RNF212B: variants seen among roughly 807,000 people sequenced by gnomAD.
RNF212B encodes the protein ring finger protein 212B.
In RNF212B, 52 loss-of-function variants were observed where a neutral mutation model predicts 55.5. The observed-to-expected ratio is 0.94, with a 90% CI of 0.75 to 1.18. The LOEUF (loss-of-function observed/expected upper bound fraction) is 1.18. RNF212B is among the 50% of genes most tolerant of loss of function. RNF212B has a pLI of 0.00. For synonymous variants in RNF212B, 99 were observed against 121.4 expected, an observed-to-expected ratio of 0.82 and a Z score of 1.21; for missense variants, 289 against 350.4, an observed-to-expected ratio of 0.82 and a Z score of 1.40.
intron 2 of RNF212B, among the ~76,000 whole-genome samples, chr14:23,206,166 C>CAG: frequency 6.6e-6 from 1 of 152,160 alleles, no homozygotes; most frequent in Admixed American, 6.6e-5. Context: ...CCTCTGCCTC[C>CAG]TGGGTTCAAG....
chr14:23,187,990 TGAG>T (rs1470887063), intron 1 of RNF212B: 2 of 152,296 alleles, frequency 1.3e-5, no homozygotes, highest in East Asian at 3.9e-4. Flanking sequence ...GAAGATGAAA[TGAG>T]GAGACTCGGT....
intron 3 of RNF212B, 120 bp from the exon 4 acceptor site, chr14:23,244,201 AC>A: frequency 1.8e-6 from 1 of 546,448 alleles, no homozygotes; most frequent in South Asian, 2.7e-5. Context: ...TCTCCCTTTT[AC>A]ACACAGTGGA....
intron 11 of RNF212B, among the ~76,000 whole-genome samples, chr14:23,267,946 T>C (rs1014050390): frequency 2.0e-5 from 3 of 152,264 alleles, no homozygotes; most frequent in African/African-American, 4.8e-5. Context: ...TTACATTTAA[T>C]GTAATTACAG....
chr14:23,229,518 G>A (rs1158221872), intron 2 of RNF212B, among the ~76,000 whole-genome samples: 1 of 151,814 alleles, frequency 6.6e-6, no homozygotes, highest in Non-Finnish European at 1.5e-5. Flanking sequence ...CAATGTACAA[G>A]GGTTCTGATT....
At chr14:23,194,162 A>G (rs1010876393) in intron 2 of RNF212B, among the ~76,000 whole-genome samples, 7 of 152,212 alleles carry the variant, frequency 4.6e-5, no homozygotes, top group Non-Finnish European at 1.0e-4. Flanking sequence ...TCACTTAAAA[A>G]TTAAAAACAA....
chr14:23,264,727 G>A (rs942474052), intron 11 of RNF212B, 56 bp downstream of exon 11: 3 of 1,130,118 alleles, frequency 2.7e-6, no homozygotes, highest in Non-Finnish European at 3.4e-6. Context: ...GAAGATCTGC[G>A]GATTTCTGGT....
At chr14:23,222,021 T>C (rs178753) in intron 2 of RNF212B, among the ~76,000 whole-genome samples, 58,849 of 151,888 alleles carry the variant, frequency 0.39, 11,588 homozygotes, top group African/African-American at 0.44. Context: ...GCTATAAGTG[T>C]CTACATCAAA....
intron 1 of RNF212B, among the ~76,000 whole-genome samples, chr14:23,188,926 A>T (rs1877858494): frequency 6.6e-6 from 1 of 152,256 alleles, no homozygotes; most frequent in African/African-American, 2.4e-5. Flanking sequence ...ACATTAATGC[A>T]TAATAAATAA....
upstream of RNF212B, among the ~76,000 whole-genome samples, chr14:23,237,845 C>A (rs1367062842): frequency 1.3e-5 from 2 of 151,836 alleles, no homozygotes; most frequent in African/African-American, 4.8e-5. Context: ...GCCCCGCCCA[C>A]GCCCCGCGCA....
intron 2 of RNF212B, among the ~76,000 whole-genome samples, chr14:23,226,314 A>T (rs1296045283): frequency 2.9e-4 from 42 of 143,036 alleles, no homozygotes; most frequent in African/African-American, 1.1e-3. Context: ...AAAAAAAAAA[A>T]AATTAAATAA....
At chr14:23,211,052 T>C (rs545520427) in intron 2 of RNF212B, among the ~76,000 whole-genome samples, 6 of 151,858 alleles carry the variant, frequency 4.0e-5, no homozygotes, top group African/African-American at 1.2e-4. Context: ...ACCCCGTCTC[T>C]ACTGAAAATA....
chr14:23,240,218 C>G (rs1883468237), intron 1 of RNF212B, 127 bp from the exon 2 acceptor site: 1 of 623,280 alleles, frequency 1.6e-6, no homozygotes, highest in Non-Finnish European at 2.8e-6. Context: ...ATTGGAATAC[C>G]CACAATGATA....
At chr14:23,185,579 C>G (rs1385548150) in intron 1 of RNF212B, 1 of 152,168 alleles carries the variant, frequency 6.6e-6, no homozygotes, top group Non-Finnish European at 1.5e-5. Flanking sequence ...AATTTGAGGT[C>G]TCTTGCTAAA....
intron 2 of RNF212B, among the ~76,000 whole-genome samples, chr14:23,211,204 T>G (rs1446078186): frequency 1.4e-5 from 2 of 139,976 alleles, no homozygotes; most frequent in African/African-American, 2.7e-5. Context: ...GGCAACAGAG[T>G]GAGACTCTGT....
chr14:23,253,457 T>C (rs1029377433), intron 4 of RNF212B, among the ~76,000 whole-genome samples: 2 of 152,220 alleles, frequency 1.3e-5, no homozygotes, highest in African/African-American at 2.4e-5. Context: ...AGTCATTTCA[T>C]ATGTTCCTCT....
chr14:23,208,246 A>T (rs1284996119), intron 2 of RNF212B, among the ~76,000 whole-genome samples: 2 of 152,222 alleles, frequency 1.3e-5, no homozygotes, highest in Non-Finnish European at 2.9e-5. Context: ...AGTCAGCCGG[A>T]TGTGGTGGCT....
chr14:23,262,918 T>A lies in RNF212B; in HGVS notation c.482-10T>A. 6.4e-7 allele frequency: 1 copy of A among 1,550,504 alleles called. No homozygotes were observed. Among genetic ancestry groups the A allele is most frequent in the South Asian group, 1.2e-5 (1 of 84,056 alleles). On this transcript the variant is annotated splice_polypyrimidine_tract_variant and intron_variant, in intron 8 of 14. Transcript: ENST00000430154. ...GGCAACTTTTTATTCTGTACTTTATTCTCTTTCAGTTACCCCACGACCCAG... is the reference window on the plus strand; with the variant it reads ...GGCAACTTTTTATTCTGTACTTTATACTCTTTCAGTTACCCCACGACCCAG...
chr14:23,220,751 G>A (rs1881492413), intron 2 of RNF212B, among the ~76,000 whole-genome samples: 1 of 151,716 alleles, frequency 6.6e-6, no homozygotes, highest in Non-Finnish European at 1.5e-5. Context: ...CGTGAACCTG[G>A]GAGATGGAAC....
At chr14:23,187,050 C>A (rs551682514) in intron 1 of RNF212B, among the ~76,000 whole-genome samples, 2 of 152,282 alleles carry the variant, frequency 1.3e-5, no homozygotes, top group African/African-American at 2.4e-5. Context: ...ACATTTGTCA[C>A]CCCCTTCGCA....
Sources: gnomAD v4.1 joint callset for allele counts (sites outside exome capture counted in the v4.1 genomes callset) on GRCh38, gnomAD v4.1.1 for gene constraint, MANE v1.5 for transcripts, NCBI Gene and HGNC (gene_info 2026-07-23, HGNC 2026-07-21) for gene names.